DNAH12: variants seen among roughly 807,000 people sequenced by gnomAD.
The protein encoded by DNAH12 is axonemal beta dynein heavy chain 12.
A neutral mutation model predicts 371.5 loss-of-function variants in DNAH12; 285 were observed. The ratio of observed to expected loss-of-function variants is 0.77; its 90% confidence interval spans 0.70 to 0.85. The LOEUF is 0.85. DNAH12 is among the 40% of genes least tolerant of loss of function. The pLI, the probability that DNAH12 is intolerant of heterozygous loss-of-function variation, is 0.00. For synonymous variants in DNAH12, 1,200 were observed against 1,213.0 expected (o/e 0.99, Z 0.22); for missense variants, 3,611 against 3,689.4 (o/e 0.98, Z 0.55).
chr3:57,519,368 A>G (rs1265024033), intron 4 of DNAH12, among the ~76,000 whole-genome samples: 1 of 152,210 alleles, frequency 6.6e-6, no homozygotes, highest in African/African-American at 2.4e-5. Flanking sequence ...GTAAATTATA[A>G]AGGTGATTCA....
chr3:57,441,075 C>T (rs1366121967), intron 29 of DNAH12, among the ~76,000 whole-genome samples: 2 of 152,052 alleles, frequency 1.3e-5, no homozygotes, highest in Non-Finnish European at 2.9e-5. Context: ...GTAAACAAAA[C>T]AAACTCATAG....
chr3:57,388,456 ATT>A (rs1179263985), intron 45 of DNAH12, among the ~76,000 whole-genome samples: 3 of 146,762 alleles, frequency 2.0e-5, no homozygotes, highest in African/African-American at 5.0e-5. Flanking sequence ...TTTTAAGACC[ATT>A]TTTTTTTTGG....
At chr3:57,339,288 C>A (rs1383699521) in intron 60 of DNAH12, among the ~76,000 whole-genome samples, 1 of 151,748 alleles carries the variant, frequency 6.6e-6, no homozygotes, top group East Asian at 1.9e-4. Context: ...CCTTTGTTCA[C>A]GTGTTTATCT....
At chr3:57,380,599 A>C (rs2063368742) in intron 50 of DNAH12, among the ~76,000 whole-genome samples, 2 of 152,096 alleles carry the variant, frequency 1.3e-5, no homozygotes, top group African/African-American at 4.8e-5. Context: ...CGAGTAGCTG[A>C]GACTACAGGC....
In DNAH12 at chr3:57,542,779, C is replaced by T. The variant is rs2153403989; in HGVS notation, c.92G>A (p.Gly31Asp). The change falls in exon 2 of 74, where the codon GGC becomes GAC. Residue 31 changes from glycine to aspartate, a missense_variant. Physicochemically the swap from Gly to Asp is moderately conservative, Grantham distance 94. Around this residue, in one of 3 missense-constraint regions of DNAH12, gnomAD observed 1,314 missense variants for 1,398.7 expected, o/e 0.94. Coordinates refer to ENST00000495027, the MANE Select transcript of DNAH12 (RefSeq NM_001366028.2). ...PPIVHLPENI[G>D]VDTPTQSKLL... ...CTTACTTTGTGTTGGTGTATCAACG[C>T]CTATGTTTTCTGGGAGATGGACAAT... The T allele has an allele frequency of 1.9e-6, 3 of 1,611,626 alleles. No individual in the cohort carries two copies. Among genetic ancestry groups the T allele is most frequent in the Non-Finnish European group, 2.5e-6 (3 of 1,179,060 alleles).
chr3:57,489,440 C>G, intron 12 of DNAH12, 69 bp downstream of exon 12: 1 of 1,388,568 alleles, frequency 7.2e-7, no homozygotes, highest in Non-Finnish European at 9.4e-7. Context: ...TGTTTTTAAA[C>G]AAGAGTTACT....
At chr3:57,431,732 A>T (rs1320243924) in intron 32 of DNAH12, among the ~76,000 whole-genome samples, 11 of 152,190 alleles carry the variant, frequency 7.2e-5, no homozygotes, top group Admixed American at 7.2e-4. Context: ...CCTTGGTACT[A>T]CTAATGATAA....
intron 13 of DNAH12, among the ~76,000 whole-genome samples, chr3:57,481,228 A>G (rs2066732126): frequency 6.6e-6 from 1 of 152,184 alleles, no homozygotes; most frequent in Non-Finnish European, 1.5e-5. Context: ...AAAGTCTCAG[A>G]ATACAAAATC....
chr3:57,555,907 G>T, the DNAH12 span, among the ~76,000 whole-genome samples: 2 of 152,238 alleles, frequency 1.3e-5, no homozygotes, highest in African/African-American at 2.4e-5. Flanking sequence ...TGCGAGTAAA[G>T]CTCGCAATCC....
rs1559666626 is a variant in DNAH12 at position 57,445,282 on chromosome 3, CT to C, written c.4316del (p.Gln1439ArgfsTer15). ...IVMTYRLCSE[Q>X]LSSQFHYDYG... ...AGTCGTAATGAAATTGCGATGAGAG[CT>C]GCTCTGAGCAAAGCCTATAGGTCAT... On this transcript the variant is annotated frameshift_variant, in exon 28 of 74. Transcript: ENST00000495027. LOFTEE classifies it high-confidence loss of function. The C allele has an allele frequency of 6.4e-7, 1 of 1,551,602 alleles. No homozygotes were observed. Among genetic ancestry groups the C allele is most frequent in the African/African-American group, 1.4e-5 (1 of 73,176 alleles).
chr3:57,479,833 C>T (rs9683007), intron 13 of DNAH12, among the ~76,000 whole-genome samples: 101,614 of 151,976 alleles, frequency 0.67, 34,216 homozygotes, highest in South Asian at 0.75. Flanking sequence ...TGGTACATAA[C>T]GAAATGAAGG....
intron 16 of DNAH12, 68 bp from the exon 17 acceptor site, chr3:57,469,047 T>G (rs1300384492): frequency 1.1e-5 from 16 of 1,410,308 alleles, no homozygotes; most frequent in Non-Finnish European, 1.5e-5. Flanking sequence ...AGAGATCCTT[T>G]AGGCTAGACC....
chr3:57,356,611 G>A lies in DNAH12; in HGVS notation c.9533+565C>T, dbSNP rs1225112134. 4.6e-5 allele frequency among the ~76,000 whole-genome samples: 7 copies of A among 151,860 alleles called. No homozygotes were observed. The South Asian group carries it at 1.5e-3, about 31-fold the overall frequency. On this transcript the variant is annotated intron_variant, in intron 59 of 73. Coordinates refer to ENST00000495027, the MANE Select transcript of DNAH12 (RefSeq NM_001366028.2). The stretch of plus-strand genomic sequence containing the variant: ...CTGCCTCATTGAAATATTTAAGAGA[G>A]AGAAGAAAAAAACTAAAGTTAATCC...
intron 45 of DNAH12, among the ~76,000 whole-genome samples, chr3:57,390,791 T>C (rs1012966576): frequency 0.011 from 1,648 of 152,010 alleles, 22 homozygotes; most frequent in African/African-American, 0.037. Context: ...CTGTCTCTTG[T>C]TTTGCCCTAC....
intron 43 of DNAH12, among the ~76,000 whole-genome samples, chr3:57,401,586 G>A (rs370858530): frequency 4.7e-4 from 56 of 120,068 alleles, no homozygotes; most frequent in South Asian, 1.2e-3. Context: ...AAAAAAAGAA[G>A]AAGAAGAAGA....
At chr3:57,414,539 C>A (rs930352368) in intron 38 of DNAH12, among the ~76,000 whole-genome samples, 5 of 152,244 alleles carry the variant, frequency 3.3e-5, no homozygotes, top group Admixed American at 6.6e-5. Flanking sequence ...CACCCTCCTC[C>A]CCCGCTCCAC....
In DNAH12 at chr3:57,309,674, G is replaced by A. The variant is rs1559541974; in HGVS notation, c.11077C>T (p.Leu3693Phe). The A allele has an allele frequency of 2.6e-6, 4 of 1,515,326 alleles. No individual in the cohort carries two copies. Among genetic ancestry groups the A allele is most frequent in the Non-Finnish European group, 3.5e-6 (4 of 1,134,084 alleles). 93.9% of individuals were successfully genotyped at this position (1,515,326 alleles called of 1,614,324 possible). The change falls in exon 68 of 74, where the codon CTC (leucine) becomes TTC (phenylalanine). Residue 3693 changes from leucine to phenylalanine, a missense_variant. Leu to Phe is a conservative substitution (Grantham distance 22). Around this residue, in one of 3 missense-constraint regions of DNAH12, gnomAD observed 2,266 missense variants for 2,236.9 expected, o/e 1.01. Coordinates refer to ENST00000495027, the MANE Select transcript of DNAH12 (RefSeq NM_001366028.2). ...QILLEITKDI[L>F]NKLPSDFDIE... ...TTTAAGCTGAACATTACCTTGTTGA[G>A]GATATCTTTGGTAATTTCTAACAGA...
intron 2 of DNAH12, among the ~76,000 whole-genome samples, chr3:57,527,422 T>G (rs1432426446): frequency 2.6e-5 from 4 of 152,220 alleles, no homozygotes; most frequent in Non-Finnish European, 5.9e-5. Context: ...TGGCTCCTGG[T>G]TCTGCAGGCT....
intron 58 of DNAH12, among the ~76,000 whole-genome samples, chr3:57,362,791 G>A (rs2062965310): frequency 6.6e-6 from 1 of 152,170 alleles, no homozygotes; most frequent in African/African-American, 2.4e-5. Context: ...TGGGTAGATT[G>A]TAAAAATTTT....
Sources: gnomAD v4.1 joint callset for allele counts (sites outside exome capture counted in the v4.1 genomes callset) on GRCh38, gnomAD v4.1.1 for gene constraint, gnomAD v4.1.1 regional missense constraint, MANE v1.5 for transcripts, NCBI Gene and HGNC (gene_info 2026-07-23, HGNC 2026-07-21) for gene names.